Variants in CDH18 observed in about 807,000 individuals in gnomAD.
CDH18 encodes cadherin-18.
In CDH18, 31 loss-of-function variants were observed where a neutral mutation model predicts 67.9. The ratio of observed to expected loss-of-function variants is 0.46; its 90% CI spans 0.34 to 0.62. The LOEUF (loss-of-function observed/expected upper bound fraction) is 0.62, where lower values mean the gene tolerates loss of function less well. CDH18 is among the 20% of genes least tolerant of loss of function. CDH18 has a pLI of 0.01. For missense variants in CDH18, 890 were observed against 975.5 expected, an observed-to-expected ratio of 0.91 and a Z score of 1.17; for synonymous variants, 362 against 347.2, an observed-to-expected ratio of 1.04 and a Z score of -0.48.
intron 2 of CDH18, among the ~76,000 whole-genome samples, chr5:20,214,418 C>T (rs1740597527): frequency 6.6e-6 from 1 of 152,044 alleles, no homozygotes; most frequent in African/African-American, 2.4e-5. Flanking sequence ...CTGGAGGAAT[C>T]ATGGTACTCA....
intron 2 of CDH18, among the ~76,000 whole-genome samples, chr5:20,146,842 A>T (rs1284628498): frequency 6.6e-6 from 1 of 152,050 alleles, no homozygotes; most frequent in Admixed American, 6.5e-5. Context: ...TATAATAAAG[A>T]ACAATGATTT....
At chr5:19,764,098 G>C (rs1366404336) in intron 3 of CDH18, among the ~76,000 whole-genome samples, 1 of 151,192 alleles carries the variant, frequency 6.6e-6, no homozygotes, top group Admixed American at 6.6e-5. Context: ...GAACCCAGGA[G>C]GTGGAGCTTG....
chr5:19,896,224 T>C (rs948209053), intron 2 of CDH18, among the ~76,000 whole-genome samples: 1 of 151,884 alleles, frequency 6.6e-6, no homozygotes, highest in African/African-American at 2.4e-5. Context: ...CAGGGCATGG[T>C]GGTGGCAGCC....
chr5:20,057,867 T>C (rs1350600792), intron 2 of CDH18, among the ~76,000 whole-genome samples: 1 of 152,180 alleles, frequency 6.6e-6, no homozygotes, highest in East Asian at 1.9e-4. Context: ...AAACCACATT[T>C]ACTTAAAATG....
chr5:20,100,910 G>A (rs1746407320), intron 2 of CDH18, among the ~76,000 whole-genome samples: 1 of 152,084 alleles, frequency 6.6e-6, no homozygotes, highest in Non-Finnish European at 1.5e-5. Flanking sequence ...GAGAATACAT[G>A]TATATTTTAA....
chr5:20,003,004 T>C (rs1736575624), intron 2 of CDH18, among the ~76,000 whole-genome samples: 1 of 151,936 alleles, frequency 6.6e-6, no homozygotes, highest in Admixed American at 6.6e-5. Flanking sequence ...TGTTTCCTGC[T>C]AAATTGTCAC....
chr5:20,551,558 C>G (rs920834762), intron 1 of CDH18, among the ~76,000 whole-genome samples: 2 of 125,528 alleles, frequency 1.6e-5, no homozygotes, highest in African/African-American at 5.0e-5. Context: ...CTGATCTCTA[C>G]AGCTGATCTC....
chr5:19,548,752 C>CCTTTTT (rs915347188), intron 8 of CDH18, among the ~76,000 whole-genome samples: 1 of 137,844 alleles, frequency 7.3e-6, no homozygotes, highest in African/African-American at 2.6e-5. Flanking sequence ...TATTTATCAG[C>CCTTTTT]TTTTTTTTTT....
At chr5:20,045,005 G>A (rs1350882014) in intron 2 of CDH18, among the ~76,000 whole-genome samples, 1 of 151,992 alleles carries the variant, frequency 6.6e-6, no homozygotes, top group Non-Finnish European at 1.5e-5. Context: ...TAACAAAAAT[G>A]TTTAGTGGCT....
chr5:20,092,357 A>T (rs1034069624), intron 2 of CDH18, among the ~76,000 whole-genome samples: 2 of 152,186 alleles, frequency 1.3e-5, no homozygotes, highest in Non-Finnish European at 2.9e-5. Flanking sequence ...AAACTAGAAA[A>T]ATAGACTAAA....
At chr5:19,686,745 C>T (rs547623381) in intron 5 of CDH18, among the ~76,000 whole-genome samples, 22 of 152,034 alleles carry the variant, frequency 1.4e-4, no homozygotes, top group African/African-American at 5.3e-4. Flanking sequence ...TTCATTAAAT[C>T]ACTACTTTTC....
At chr5:20,228,861 G>A (rs1266338142) in intron 2 of CDH18, among the ~76,000 whole-genome samples, 1 of 152,038 alleles carries the variant, frequency 6.6e-6, no homozygotes, top group South Asian at 2.1e-4. Flanking sequence ...CCAATGGAAT[G>A]CTATTCAGTG....
intron 4 of CDH18, among the ~76,000 whole-genome samples, chr5:19,723,916 T>A (rs999384356): frequency 8.6e-5 from 13 of 151,980 alleles, no homozygotes; most frequent in Non-Finnish European, 1.5e-4. Flanking sequence ...GGTTTCACCA[T>A]GTTGGCCAGG....
chr5:20,465,710 AG>A (rs1379536187), intron 1 of CDH18, among the ~76,000 whole-genome samples: 5 of 151,978 alleles, frequency 3.3e-5, no homozygotes, highest in African/African-American at 1.2e-4. Flanking sequence ...ATGCAATCTG[AG>A]TGAATGAAAT....
chr5:19,813,287 A>G (rs898110440), intron 3 of CDH18, among the ~76,000 whole-genome samples: 1 of 152,172 alleles, frequency 6.6e-6, no homozygotes, highest in Non-Finnish European at 1.5e-5. Context: ...CTTAAAGTAT[A>G]ATAAAAAAAA....
intron 1 of CDH18, among the ~76,000 whole-genome samples, chr5:20,297,106 A>G (rs1747598058): frequency 6.6e-6 from 1 of 152,186 alleles, no homozygotes; most frequent in Non-Finnish European, 1.5e-5. Context: ...ATATTTAAAT[A>G]CATAATATAA....
At chr5:20,524,512 C>T (rs556493214) in intron 1 of CDH18, among the ~76,000 whole-genome samples, 1 of 152,162 alleles carries the variant, frequency 6.6e-6, no homozygotes, top group South Asian at 2.1e-4. Context: ...TGTACATTAT[C>T]ATTATTTAAT....
chr5:20,252,763 C>T (rs974145623), intron 2 of CDH18, among the ~76,000 whole-genome samples: 18 of 151,922 alleles, frequency 1.2e-4, no homozygotes, highest in Non-Finnish European at 2.5e-4. Context: ...TGGTGAAACC[C>T]CGTCTCTACT....
intron 5 of CDH18, among the ~76,000 whole-genome samples, chr5:19,637,769 G>A (rs1318712494): frequency 1.3e-5 from 2 of 152,002 alleles, no homozygotes; most frequent in Non-Finnish European, 1.5e-5. Flanking sequence ...GTGACCTCTT[G>A]CTTTTCCTCA....
Sources: gnomAD v4.1 joint callset for allele counts (sites outside exome capture counted in the v4.1 genomes callset) on GRCh38, gnomAD v4.1.1 for gene constraint, MANE v1.5 for transcripts, NCBI Gene and HGNC (gene_info 2026-07-23, HGNC 2026-07-21) for gene names.